Variants in UTS2 observed in about 807,000 individuals in gnomAD.
UTS2 encodes the protein urotensin-2.
Under a neutral mutation model 12.6 loss-of-function variants are expected in UTS2, and 10 were observed. The ratio of observed to expected loss-of-function variants is 0.80; its 90% confidence interval spans 0.49 to 1.35. The LOEUF (loss-of-function observed/expected upper bound fraction) is 1.35, where lower values mean the gene tolerates loss of function less well. Ranked by LOEUF, UTS2 falls within the 40% of genes most tolerant of loss-of-function variation. The pLI is 0.00. For missense variants in UTS2, 142 were observed against 143.2 expected, an observed-to-expected ratio of 0.99 and a Z score of 0.04; for synonymous variants, 52 against 50.0, an observed-to-expected ratio of 1.04 and a Z score of -0.17.
the UTS2 span, among the ~76,000 whole-genome samples, chr1:7,891,545 A>G: frequency 7.9e-6 from 1 of 127,016 alleles, no homozygotes. Context: ...GAAAAGAAAG[A>G]AAGAAAGAAA....
the UTS2 span, among the ~76,000 whole-genome samples, chr1:7,859,632 C>T: frequency 4.6e-5 from 7 of 152,336 alleles, no homozygotes; most frequent in South Asian, 1.4e-3. Flanking sequence ...GGGCTGGACA[C>T]AGCCAGATAA....
At chr1:7,893,491 CTAAATAAA>C in the UTS2 span, among the ~76,000 whole-genome samples, 1 of 150,400 alleles carries the variant, frequency 6.6e-6, no homozygotes, top group Non-Finnish European at 1.5e-5. Flanking sequence ...GACCCTGTCT[CTAAATAAA>C]TAAATAAATA....
the UTS2 span, among the ~76,000 whole-genome samples, chr1:7,899,475 G>C: frequency 6.6e-6 from 1 of 151,956 alleles, no homozygotes; most frequent in East Asian, 1.9e-4. Flanking sequence ...TTTTTCTTTA[G>C]ATATCCCTTA....
the UTS2 span, among the ~76,000 whole-genome samples, chr1:7,876,728 T>C: frequency 1.6e-3 from 248 of 150,424 alleles, 1 homozygote; most frequent in African/African-American, 5.7e-3. Context: ...CAAAGTGCCC[T>C]ACCCAACCAA....
chr1:7,890,862 AC>A, the UTS2 span, among the ~76,000 whole-genome samples: 5 of 142,138 alleles, frequency 3.5e-5, no homozygotes, highest in African/African-American at 1.0e-4. Flanking sequence ...AAAAAAAAAA[AC>A]CTAACCACTC....
the UTS2 span, among the ~76,000 whole-genome samples, chr1:7,866,945 C>T: frequency 6.6e-6 from 1 of 152,208 alleles, no homozygotes; most frequent in Non-Finnish European, 1.5e-5. The surrounding 1 kb of genome is among the most constrained non-coding windows in gnomAD (Gnocchi z 4.5). Context: ...CCTTGGCTCA[C>T]TGCAACCTCC....
At chr1:7,898,074 G>T in the UTS2 span, among the ~76,000 whole-genome samples, 2 of 152,230 alleles carry the variant, frequency 1.3e-5, no homozygotes, top group Middle Eastern at 6.8e-3. Flanking sequence ...CAGATTTAGG[G>T]TTGTCCATGT....
At chr1:7,876,758 GAA>G in the UTS2 span, among the ~76,000 whole-genome samples, 1 of 151,956 alleles carries the variant, frequency 6.6e-6, no homozygotes, top group African/African-American at 2.4e-5. Flanking sequence ...CACATATACA[GAA>G]AAAAAGTCTT....
the UTS2 span, among the ~76,000 whole-genome samples, chr1:7,908,451 A>T: frequency 2.4e-3 from 315 of 129,982 alleles, 2 homozygotes; most frequent in African/African-American, 0.011. Context: ...ACAGAGTGAG[A>T]CTCTGTCTCA....
At chr1:7,885,727 G>T in the UTS2 span, among the ~76,000 whole-genome samples, 1 of 152,038 alleles carries the variant, frequency 6.6e-6, no homozygotes, top group Non-Finnish European at 1.5e-5. Context: ...GGCAAGGGAA[G>T]AATGGGCATG....
the UTS2 span, among the ~76,000 whole-genome samples, chr1:7,888,339 C>T: frequency 1.3e-5 from 2 of 152,176 alleles, no homozygotes; most frequent in Non-Finnish European, 2.9e-5. Flanking sequence ...CTCCCCATCC[C>T]TCAGACTGGC....
chr1:7,870,877 A>C, the UTS2 span, among the ~76,000 whole-genome samples: 2 of 152,258 alleles, frequency 1.3e-5, no homozygotes, highest in African/African-American at 4.8e-5. Context: ...TCGTTTCATG[A>C]AACCATAAAC....
At chr1:7,862,674 C>G in the UTS2 span, among the ~76,000 whole-genome samples, 2 of 152,060 alleles carry the variant, frequency 1.3e-5, no homozygotes, top group African/African-American at 4.8e-5. Flanking sequence ...CTCTTAACAA[C>G]CAGTTCTCTC....
chr1:7,888,342 A>G, the UTS2 span, among the ~76,000 whole-genome samples: 1 of 152,018 alleles, frequency 6.6e-6, no homozygotes. Flanking sequence ...CCCATCCCTC[A>G]GACTGGCTCT....
At chr1:7,872,837 C>G in the UTS2 span, among the ~76,000 whole-genome samples, 1 of 152,110 alleles carries the variant, frequency 6.6e-6, no homozygotes, top group African/African-American at 2.4e-5. Flanking sequence ...GATAAACCAG[C>G]CTTCTGCTGG....
chr1:7,891,038 A>G, the UTS2 span, among the ~76,000 whole-genome samples: 16 of 149,308 alleles, frequency 1.1e-4, no homozygotes, highest in Middle Eastern at 3.4e-3. Context: ...ATGGTGGTAC[A>G]GCCATGCAGT....
At chr1:7,863,347 G>A in the UTS2 span, among the ~76,000 whole-genome samples, 4 of 152,176 alleles carry the variant, frequency 2.6e-5, no homozygotes, top group Non-Finnish European at 4.4e-5. Flanking sequence ...CCGACCTCAG[G>A]TGATCTGCCT....
the UTS2 span, among the ~76,000 whole-genome samples, chr1:7,866,426 C>T: frequency 6.6e-6 from 1 of 152,138 alleles, no homozygotes; most frequent in African/African-American, 2.4e-5. This position sits in a 1 kb window ranked among gnomAD's most constrained non-coding sequence, Gnocchi z 4.5. Context: ...GGGGCAAGGC[C>T]CACAGGAGGA....
the UTS2 span, among the ~76,000 whole-genome samples, chr1:7,886,849 G>A: frequency 4.6e-5 from 7 of 151,826 alleles, no homozygotes; most frequent in East Asian, 7.8e-4. Flanking sequence ...TTAGCAGTTC[G>A]AGACCAGCCT....
Sources: gnomAD v4.1 joint callset for allele counts (sites outside exome capture counted in the v4.1 genomes callset) on GRCh38, gnomAD v4.1.1 for gene constraint, Gnocchi (gnomAD v3.1) non-coding constraint, MANE v1.5 for transcripts, NCBI Gene and HGNC (gene_info 2026-07-23, HGNC 2026-07-21) for gene names.